The following CTNNA3 variants were observed in gnomAD, a reference collection of about 807,000 sequenced individuals.
The protein encoded by CTNNA3 is catenin alpha-3.
A neutral mutation model predicts 95.7 loss-of-function variants in CTNNA3; 76 were observed. That is an observed-to-expected ratio of 0.79 (90% CI 0.66 to 0.96). The LOEUF is 0.96. Ranked by LOEUF, CTNNA3 falls within the 40% of genes least tolerant of loss-of-function variation. CTNNA3 has a pLI of 0.00. For synonymous variants in CTNNA3, 431 were observed against 374.4 expected (o/e 1.15, Z -1.74); for missense variants, 1,191 against 1,089.8 (o/e 1.09, Z -1.31).
chr10:67,620,091 G>A (rs766804499), intron 2 of CTNNA3, among the ~76,000 whole-genome samples: 1 of 152,026 alleles, frequency 6.6e-6, no homozygotes, highest in Non-Finnish European at 1.5e-5. Flanking sequence ...GAGTCTGAGG[G>A]TACACAGATA....
chr10:66,055,760 A>G (rs941043616), intron 15 of CTNNA3, among the ~76,000 whole-genome samples: 1 of 151,898 alleles, frequency 6.6e-6, no homozygotes, highest in East Asian at 1.9e-4. Context: ...CATCTCTACT[A>G]AAAATACAGA....
intron 9 of CTNNA3, among the ~76,000 whole-genome samples, chr10:66,660,629 T>A (rs1846229643): frequency 6.6e-6 from 1 of 152,174 alleles, no homozygotes; most frequent in Non-Finnish European, 1.5e-5. Flanking sequence ...GAAGGTATGC[T>A]TTTTGCCCAG....
At chr10:66,044,162 T>A (rs2079769114) in intron 15 of CTNNA3, among the ~76,000 whole-genome samples, 1 of 152,114 alleles carries the variant, frequency 6.6e-6, no homozygotes, top group Non-Finnish European at 1.5e-5. Flanking sequence ...GCCCGGCTAA[T>A]TGCATCTTTA....
chr10:67,714,810 A>T (rs1841133141), intron 1 of CTNNA3, among the ~76,000 whole-genome samples: 1 of 152,180 alleles, frequency 6.6e-6, no homozygotes, highest in Admixed American at 6.6e-5. Context: ...GGTCTTTCCC[A>T]TGCTATTCTC....
intron 10 of CTNNA3, among the ~76,000 whole-genome samples, chr10:66,591,794 A>C (rs1009418202): frequency 1.3e-5 from 2 of 152,100 alleles, no homozygotes; most frequent in Admixed American, 1.3e-4. Flanking sequence ...AATATTCAGA[A>C]ATAATACAAC....
chr10:66,137,584 G>C (rs1016506570), intron 13 of CTNNA3, among the ~76,000 whole-genome samples: 1 of 152,208 alleles, frequency 6.6e-6, no homozygotes, highest in Non-Finnish European at 1.5e-5. Flanking sequence ...CATTAAATCT[G>C]TTAAGTATAA....
At chr10:66,856,780 G>C (rs1843699667) in intron 7 of CTNNA3, among the ~76,000 whole-genome samples, 1 of 151,978 alleles carries the variant, frequency 6.6e-6, no homozygotes, top group African/African-American at 2.4e-5. Context: ...ATTTGTTTAA[G>C]TTCCTTATAG....
At chr10:66,423,059 C>A (rs1391832534) in intron 11 of CTNNA3, among the ~76,000 whole-genome samples, 1 of 152,104 alleles carries the variant, frequency 6.6e-6, no homozygotes, top group East Asian at 1.9e-4. Context: ...CACTCCCTGT[C>A]CAACTCCAAC....
chr10:67,169,084 G>A (rs1861904211), intron 7 of CTNNA3, among the ~76,000 whole-genome samples: 1 of 152,054 alleles, frequency 6.6e-6, no homozygotes, highest in Non-Finnish European at 1.5e-5. Flanking sequence ...TTACCAGAAA[G>A]GAGAAAGATC....
At chr10:66,134,680 G>A (rs183374269) in intron 13 of CTNNA3, among the ~76,000 whole-genome samples, 69 of 152,204 alleles carry the variant, frequency 4.5e-4, no homozygotes, top group African/African-American at 1.6e-3. Flanking sequence ...GGTGTGAATG[G>A]ATGAAAGAAT....
intron 5 of CTNNA3, among the ~76,000 whole-genome samples, chr10:67,294,064 C>T (rs532030526): frequency 4.6e-5 from 7 of 152,096 alleles, no homozygotes; most frequent in Non-Finnish European, 8.8e-5. Context: ...TCTCCAAAGG[C>T]TTATCTAATA....
At chr10:66,491,260 T>C (rs1033078867) in intron 11 of CTNNA3, among the ~76,000 whole-genome samples, 1 of 152,188 alleles carries the variant, frequency 6.6e-6, no homozygotes, top group Non-Finnish European at 1.5e-5. Context: ...TAGCATATCA[T>C]GTTTTATTCA....
At chr10:66,604,584 G>A (rs118016650) in intron 10 of CTNNA3, among the ~76,000 whole-genome samples, 3,610 of 151,982 alleles carry the variant, frequency 0.024, 88 homozygotes, top group South Asian at 0.056. Context: ...GGAGTACCTC[G>A]GCCCCCTAGT....
intron 5 of CTNNA3, among the ~76,000 whole-genome samples, chr10:67,365,365 A>C (rs1157238859): frequency 6.6e-6 from 1 of 152,224 alleles, no homozygotes; most frequent in Admixed American, 6.5e-5. Flanking sequence ...AAAAGCCAAA[A>C]TAGACAAATG....
intron 9 of CTNNA3, among the ~76,000 whole-genome samples, chr10:66,667,256 C>T (rs1459760984): frequency 6.6e-6 from 1 of 151,562 alleles, no homozygotes; most frequent in Non-Finnish European, 1.5e-5. Context: ...ATAAAATTGC[C>T]CTTGTTAGGT....
intron 11 of CTNNA3, among the ~76,000 whole-genome samples, chr10:66,386,225 CT>C (rs2092890253): frequency 1.3e-5 from 2 of 152,168 alleles, no homozygotes; most frequent in Non-Finnish European, 2.9e-5. Context: ...TATCCTTAAG[CT>C]GATAAGCAAC....
intron 11 of CTNNA3, among the ~76,000 whole-genome samples, chr10:66,515,209 C>T (rs7914675): frequency 5.3e-5 from 8 of 152,002 alleles, no homozygotes; most frequent in East Asian, 1.9e-4. Flanking sequence ...AGAATTCACA[C>T]GTTTTCACAA....
rs1332185091 is a variant in CTNNA3, at chr10:66,069,418, T to C, written c.2049A>G (p.Val683=). The change falls in exon 15 of 18, where the codon GTA becomes GTG. Residue 683 remains valine, a synonymous_variant. Transcript: ENST00000433211. ...IAEQVADFKK[V]KSKLDAEIEI... is the part of the protein sequence containing the mutation. ...CAATCTCAGCATCCAGCTTACTCTT[T>C]ACTTTCTTGAAATCAGCAACTTGCT... 1.2e-6 allele frequency: 2 copies of C among 1,613,566 alleles called. No individual in the cohort carries two copies. Among genetic ancestry groups the C allele is most frequent in the African/African-American group, 1.3e-5 (1 of 74,926 alleles).
intron 1 of CTNNA3, among the ~76,000 whole-genome samples, chr10:67,740,326 A>G (rs968281522): frequency 1.6e-4 from 25 of 152,126 alleles, no homozygotes; most frequent in African/African-American, 6.0e-4. Context: ...ATTAAACTCA[A>G]GAGCTTCTGC....
Sources: gnomAD v4.1 joint callset for allele counts (sites outside exome capture counted in the v4.1 genomes callset) on GRCh38, gnomAD v4.1.1 for gene constraint, MANE v1.5 for transcripts, NCBI Gene and HGNC (gene_info 2026-07-23, HGNC 2026-07-21) for gene names.